Variants in BRAP observed in about 807,000 individuals in gnomAD.
The protein encoded by BRAP is BRCA1-associated protein.
BRAP carries 42 observed loss-of-function variants against 73.4 expected under a neutral mutation model. That is an observed-to-expected ratio of 0.57 (90% CI 0.45 to 0.74). BRAP has a LOEUF of 0.74. BRAP is among the 30% of genes least tolerant of loss of function. The pLI is 0.00. For missense variants in BRAP, 593 were observed against 751.4 expected, an observed-to-expected ratio of 0.79 and a Z score of 2.46; for synonymous variants, 255 against 267.4, an observed-to-expected ratio of 0.95 and a Z score of 0.45.
chr12:111,662,673 G>A (rs1886799731), intron 6 of BRAP, among the ~76,000 whole-genome samples: 1 of 151,994 alleles, frequency 6.6e-6, no homozygotes, highest in African/African-American at 2.4e-5. Context: ...AGAAAGGAAA[G>A]GATCTAGTCC....
At chr12:111,675,811 A>G (rs139111940) in intron 4 of BRAP, among the ~76,000 whole-genome samples, 1 of 151,954 alleles carries the variant, frequency 6.6e-6, no homozygotes, top group South Asian at 2.1e-4. Flanking sequence ...ACATACCTCT[A>G]CTTCTCCAAG....
chr12:111,670,533 G>A (rs999213370), intron 5 of BRAP, among the ~76,000 whole-genome samples: 1 of 152,114 alleles, frequency 6.6e-6, no homozygotes, highest in Non-Finnish European at 1.5e-5. Context: ...TTGTTCTGTT[G>A]CCCAGGCTAG....
chr12:111,676,028 C>T (rs1414903523), intron 4 of BRAP, among the ~76,000 whole-genome samples: 1 of 152,054 alleles, frequency 6.6e-6, no homozygotes, highest in African/African-American at 2.4e-5. Context: ...GCACACCCCC[C>T]CTTTTTTTTT....
At chr12:111,661,772 C>T (rs374166836) in intron 6 of BRAP, among the ~76,000 whole-genome samples, 1 of 147,424 alleles carries the variant, frequency 6.8e-6, no homozygotes, top group East Asian at 2.0e-4. Context: ...AGTGCAGTGG[C>T]GCGATCTCAG....
chr12:111,646,666 G>A (rs1481023164), intron 11 of BRAP, among the ~76,000 whole-genome samples: 3 of 151,988 alleles, frequency 2.0e-5, no homozygotes, highest in Non-Finnish European at 2.9e-5. Context: ...CCAGCTACTC[G>A]GGAGGGTGAG....
chr12:111,678,933 G>C (rs1822427909), intron 4 of BRAP, among the ~76,000 whole-genome samples: 1 of 150,096 alleles, frequency 6.7e-6, no homozygotes, highest in Non-Finnish European at 1.5e-5. Flanking sequence ...GGAAAACACA[G>C]CAAGATCTCA....
At position 111,681,854 on chromosome 12, in the gene BRAP, T is replaced by C. The variant is rs1887613675; in HGVS notation, c.245-19A>G. The C allele has an allele frequency of 6.3e-7, 1 of 1,591,280 alleles. No homozygotes were observed. ...AGTTCATCTTTCACCAGTTAAAAAATAGCAGATTATAAATGGATAGGACAT... is the reference window on the plus strand; with the variant it reads ...AGTTCATCTTTCACCAGTTAAAAAACAGCAGATTATAAATGGATAGGACAT... On this transcript the variant is annotated intron_variant, in intron 2 of 11. Transcript: ENST00000419234.
chr12:111,672,767 G>C lies in BRAP; in HGVS notation c.641C>G (p.Ala214Gly). ...VLIKFRAQAD[A>G]DSFYMTCNGR... ...ATTGCATGTCATATAAAAACTATCC[G>C]CATCAGCCTATGTACACCAATGGGG... is the stretch of plus-strand genomic sequence containing the variant. Residue 214 changes from alanine to glycine, a missense_variant, in exon 5 of 12, where the codon GCG becomes GGG. Physicochemically the swap from Ala to Gly is moderately conservative, Grantham distance 60 (BLOSUM62 0). This residue lies in a region of BRAP where 304 missense variants were observed against 337.7 expected (regional missense o/e 0.90). Transcript: ENST00000419234. The C allele has an allele frequency of 1.2e-6, 2 of 1,613,210 alleles. No individual in the cohort carries two copies. Among genetic ancestry groups the C allele is most frequent in the Non-Finnish European group, 8.5e-7 (1 of 1,179,624 alleles).
chr12:111,678,371 C>T (rs916610623), intron 4 of BRAP, among the ~76,000 whole-genome samples: 1 of 150,028 alleles, frequency 6.7e-6, no homozygotes, highest in Non-Finnish European at 1.5e-5. Context: ...TTTAAAAAAA[C>T]AAACAGGCCG....
chr12:111,650,086 G>C (rs1886260137), intron 10 of BRAP, 44 bp from the exon 11 acceptor site: 2 of 1,394,976 alleles, frequency 1.4e-6, no homozygotes, highest in Non-Finnish European at 2.0e-6. Context: ...CAAAGGTAAT[G>C]TGGTGTGCTC....
At chr12:111,676,828 A>G (rs1050879266) in intron 4 of BRAP, among the ~76,000 whole-genome samples, 2 of 152,180 alleles carry the variant, frequency 1.3e-5, no homozygotes, top group Admixed American at 1.3e-4. Context: ...TATTATTCTC[A>G]CTACAGCCGA....
intron 9 of BRAP, among the ~76,000 whole-genome samples, chr12:111,656,321 A>C (rs1203020678): frequency 6.6e-6 from 1 of 152,220 alleles, no homozygotes; most frequent in Non-Finnish European, 1.5e-5. Flanking sequence ...GACAGATAGA[A>C]GAAGAACAGA....
chr12:111,667,163 C>T, intron 5 of BRAP, among the ~76,000 whole-genome samples: 1 of 152,106 alleles, frequency 6.6e-6, no homozygotes, highest in East Asian at 1.9e-4. Flanking sequence ...GTTCTATATA[C>T]ATTTCCATTG....
intron 5 of BRAP, among the ~76,000 whole-genome samples, chr12:111,670,589 G>A (rs1172662926): frequency 6.6e-6 from 1 of 152,186 alleles, no homozygotes; most frequent in African/African-American, 2.4e-5. Context: ...GGCCTCCGGG[G>A]TTTAAGCAAT....
At chr12:111,676,085 C>T (rs1490740979) in intron 4 of BRAP, among the ~76,000 whole-genome samples, 1 of 152,080 alleles carries the variant, frequency 6.6e-6, no homozygotes, top group African/African-American at 2.4e-5. Context: ...GCCATGTTGC[C>T]CAGGCTGGTC....
Position 111,658,858 on chromosome 12 carries a change from T to A in BRAP, c.1112-13A>T. On this transcript the variant is annotated splice_polypyrimidine_tract_variant and intron_variant, in intron 8 of 11. Coordinates refer to ENST00000419234, the MANE Select transcript of BRAP (RefSeq NM_006768.5). ...TGAACATAGTTATCTACAGAAAGAG[T>A]CAACAAAAGTGTGTTTCTTTAGAAT... is the stretch of plus-strand genomic sequence containing the variant. 6.3e-7 allele frequency: 1 copy of A among 1,578,404 alleles called. No homozygotes were observed. Among genetic ancestry groups the A allele is most frequent in the Non-Finnish European group, 8.7e-7 (1 of 1,150,562 alleles).
At chr12:111,674,247 C>G (rs375504580) in intron 4 of BRAP, among the ~76,000 whole-genome samples, 6 of 151,926 alleles carry the variant, frequency 3.9e-5, no homozygotes, top group Non-Finnish European at 8.8e-5. Context: ...GCTTCCCCCC[C>G]ACCTTTTTTT....
intron 4 of BRAP, among the ~76,000 whole-genome samples, chr12:111,674,992 A>G (rs1042725634): frequency 1.3e-5 from 2 of 152,216 alleles, no homozygotes; most frequent in Non-Finnish European, 2.9e-5. Flanking sequence ...TCTACAGGAA[A>G]GGATAAGGCA....
chr12:111,659,130 G>GAGGGAAAGTGAAGGCGTTGTGA, intron 8 of BRAP, 77 bp downstream of exon 8: 1 of 1,508,734 alleles, frequency 6.6e-7, no homozygotes, highest in Non-Finnish European at 9.0e-7. Context: ...TTCAAGCTGG[G>GAGGGAAAGTGAAGGCGTTGTGA]AGGGAAAGTG....
Sources: gnomAD v4.1 joint callset for allele counts (sites outside exome capture counted in the v4.1 genomes callset) on GRCh38, gnomAD v4.1.1 for gene constraint, gnomAD v4.1.1 regional missense constraint, MANE v1.5 for transcripts, NCBI Gene and HGNC (gene_info 2026-07-23, HGNC 2026-07-21) for gene names.